Variants in ERBB4 observed in about 807,000 individuals in gnomAD.
ERBB4 encodes the protein erb-b2 receptor tyrosine kinase 4, also known as receptor tyrosine-protein kinase erbB-4.
A neutral mutation model predicts 158.0 loss-of-function variants in ERBB4; 42 were observed. That is an observed-to-expected ratio of 0.27 (90% confidence interval 0.21 to 0.34). ERBB4 has a LOEUF of 0.34. ERBB4 is among the 10% of genes least tolerant of loss of function. The pLI, the probability that ERBB4 is intolerant of heterozygous loss-of-function variation, is 1.00. For synonymous variants in ERBB4, 583 were observed against 558.7 expected (o/e 1.04, Z -0.61); for missense variants, 1,333 against 1,624.1 (o/e 0.82, Z 3.08).
chr2:212,008,810 G>T (rs945327662), intron 2 of ERBB4, among the ~76,000 whole-genome samples: 1 of 152,070 alleles, frequency 6.6e-6, no homozygotes, highest in African/African-American at 2.4e-5. Flanking sequence ...TAAGGAAATT[G>T]ACAGCATTCA....
At chr2:212,439,968 C>T (rs1182593909) in intron 1 of ERBB4, among the ~76,000 whole-genome samples, 2 of 152,012 alleles carry the variant, frequency 1.3e-5, no homozygotes, top group Non-Finnish European at 2.9e-5. Context: ...ATTCAACTAT[C>T]GGAATTTGGT....
intron 19 of ERBB4, among the ~76,000 whole-genome samples, chr2:211,588,576 C>A (rs987403433): frequency 6.6e-6 from 1 of 151,994 alleles, no homozygotes. Flanking sequence ...TCATCTAATT[C>A]CCAAAACAGC....
intron 1 of ERBB4, among the ~76,000 whole-genome samples, chr2:212,175,914 C>T (rs2081649673): frequency 6.6e-6 from 1 of 151,958 alleles, no homozygotes; most frequent in Admixed American, 6.6e-5. Context: ...GGTCACCCAG[C>T]AGCTAAGACC....
intron 7 of ERBB4, among the ~76,000 whole-genome samples, chr2:211,715,090 C>T (rs188855065): frequency 1.7e-3 from 260 of 152,264 alleles, no homozygotes; most frequent in Non-Finnish European, 3.0e-3. Flanking sequence ...ATCTTACCAA[C>T]GGGTATAATT....
Position 212,272,417 on chromosome 2 carries a change from A to AGTAGGTCATGGCC in ERBB4, c.83-147527_83-147515dup, listed in dbSNP as rs2085375702. On this transcript the variant is annotated intron_variant, in intron 1 of 27. Transcript: ENST00000342788. ...CCCTATAGTCAGATGGGGCAATATG[A>AGTAGGTCATGGCC]GTAGGTCATGGCCGTTGAATTGTGA... Among the ~76,000 whole-genome samples, 3 of 151,764 alleles carry AGTAGGTCATGGCC rather than the reference A, an allele frequency of 2.0e-5. No homozygotes were observed. In the South Asian group the frequency reaches 6.2e-4, roughly 31 times the overall value.
chr2:211,738,657 C>T (rs2074688959), intron 5 of ERBB4, among the ~76,000 whole-genome samples: 1 of 151,422 alleles, frequency 6.6e-6, no homozygotes, highest in African/African-American at 2.4e-5. Flanking sequence ...CAGGCATGAG[C>T]CACCACGCCC....
intron 1 of ERBB4, among the ~76,000 whole-genome samples, chr2:212,519,079 T>A (rs1030500723): frequency 1.3e-5 from 2 of 152,022 alleles, no homozygotes; most frequent in Non-Finnish European, 2.9e-5. Flanking sequence ...GACTTCTGAC[T>A]GGGAAAAATG....
intron 1 of ERBB4, among the ~76,000 whole-genome samples, chr2:212,245,871 T>C (rs1196284456): frequency 6.6e-6 from 1 of 152,106 alleles, no homozygotes; most frequent in African/African-American, 2.4e-5. Flanking sequence ...TTCTCACTAT[T>C]TACAAAAGGG....
chr2:211,795,300 C>A (rs2076360524), intron 3 of ERBB4, among the ~76,000 whole-genome samples: 1 of 151,550 alleles, frequency 6.6e-6, no homozygotes, highest in Non-Finnish European at 1.5e-5. Flanking sequence ...CAAAGGTGGG[C>A]CTTGTCCACC....
intron 25 of ERBB4, among the ~76,000 whole-genome samples, chr2:211,397,794 T>A (rs2125344949): frequency 6.6e-6 from 1 of 152,342 alleles, no homozygotes; most frequent in South Asian, 2.1e-4. Context: ...GTACAATTCT[T>A]GATCAGCAAC....
intron 20 of ERBB4, among the ~76,000 whole-genome samples, chr2:211,530,342 A>G (rs1464235197): frequency 1.3e-5 from 2 of 152,132 alleles, no homozygotes; most frequent in African/African-American, 2.4e-5. Flanking sequence ...GAAGAAATTG[A>G]AGAGGACACC....
chr2:211,657,536 G>A, intron 16 of ERBB4: 1 of 536,948 alleles, frequency 1.9e-6, no homozygotes, highest in South Asian at 2.0e-5. Context: ...AATCGATGGT[G>A]TTACTAACTG....
At chr2:211,970,066 G>C (rs1007613322) in intron 2 of ERBB4, among the ~76,000 whole-genome samples, 1 of 152,058 alleles carries the variant, frequency 6.6e-6, no homozygotes, top group South Asian at 2.1e-4. Flanking sequence ...TTCCTTAGCT[G>C]TGTCCCAGAC....
chr2:211,508,331 T>C (rs34686574), intron 20 of ERBB4, among the ~76,000 whole-genome samples: 57,897 of 151,826 alleles, frequency 0.38, 11,501 homozygotes, highest in African/African-American at 0.48. Flanking sequence ...TGAACAGACA[T>C]TTCTCAAAAA....
At chr2:212,292,177 T>A (rs2086231491) in intron 1 of ERBB4, among the ~76,000 whole-genome samples, 1 of 151,994 alleles carries the variant, frequency 6.6e-6, no homozygotes, top group African/African-American at 2.4e-5. Flanking sequence ...TACTTATGAT[T>A]TCTAGCCGCC....
intron 2 of ERBB4, among the ~76,000 whole-genome samples, chr2:212,119,300 C>T (rs1006889292): frequency 6.6e-6 from 1 of 152,046 alleles, no homozygotes; most frequent in Non-Finnish European, 1.5e-5. Context: ...ACATAATTGA[C>T]ACATTATAGT....
In ERBB4 at chr2:211,410,151, A is replaced by C. The variant is rs377303215; in HGVS notation, c.3135+10290T>G. Among the ~76,000 whole-genome samples the C allele has an allele frequency of 5.3e-5, 8 of 152,250 alleles. No homozygotes were observed. The East Asian group carries it at 1.3e-3, about 26-fold the overall frequency. ...GGAAGGATGTTAAATTATGTTGTCC[A>C]TATTGTAAGGAGAGCCTGGTGTCTG... On this transcript the variant is annotated intron_variant, in intron 25 of 27. Coordinates refer to ENST00000342788, the MANE Select transcript of ERBB4 (RefSeq NM_005235.3).
rs1574501350 is a variant in ERBB4 at position 211,383,260 on chromosome 2, A to G, written c.*355T>C. ...TCTGCTTTAAAAAAAAAAAAAAAAA[A>G]GAAGAGGAAGAAAGAAACAAAGAAA... On this transcript the variant is annotated 3_prime_UTR_variant, in exon 28 of 28. Coordinates refer to ENST00000342788, the MANE Select transcript of ERBB4 (RefSeq NM_005235.3). 6.9e-6 allele frequency: 2 copies of G among 290,692 alleles called. No individual in the cohort carries two copies. Among genetic ancestry groups the G allele is most frequent in the South Asian group, 6.8e-5 (1 of 14,698 alleles). The allele number at this position is 290,692 out of a possible 1,614,324, so 18.0% of individuals were successfully genotyped here.
At chr2:211,990,399 T>C (rs947596510) in intron 2 of ERBB4, among the ~76,000 whole-genome samples, 1 of 151,996 alleles carries the variant, frequency 6.6e-6, no homozygotes, top group African/African-American at 2.4e-5. Context: ...TTGAAAGCTA[T>C]CTTAACATTC....
Sources: allele counts gnomAD v4.1 joint callset (sites outside exome capture counted in the v4.1 genomes callset), GRCh38; gene constraint gnomAD v4.1.1; transcripts MANE v1.5; gene names NCBI Gene and HGNC (gene_info 2026-07-23, HGNC 2026-07-21).